The following UTY variants were observed in gnomAD, a reference collection of about 807,000 sequenced individuals.
UTY encodes ubiquitously transcribed tetratricopeptide repeat containing, Y-linked.
UTY carries 12 observed loss-of-function variants against 32.5 expected under a neutral mutation model. That is an observed-to-expected ratio of 0.37 (90% CI 0.24 to 0.60). The LOEUF (loss-of-function observed/expected upper bound fraction) is 0.60. Ranked by LOEUF, UTY falls within the 20% of genes least tolerant of loss-of-function variation. UTY has a pLI of 0.69. For synonymous variants in UTY, 131 were observed against 103.4 expected (o/e 1.27, Z -1.62); for missense variants, 303 against 299.2 (o/e 1.01, Z -0.09).
At chrY:13,472,509 A>G (rs1037113300) in intron 2 of UTY, among the ~76,000 whole-genome samples, 6 of 33,368 alleles carry the variant, frequency 1.8e-4, no homozygotes. Flanking sequence ...AGATTTCTCA[A>G]ACTACTAAAA....
chrY:13,270,890 G>A (rs2056255904), intron 27 of UTY, among the ~76,000 whole-genome samples: 1 of 32,682 alleles, frequency 3.1e-5, no homozygotes, highest in Admixed American at 2.8e-4. Context: ...GACTAACCTC[G>A]GCAACACAGA....
chrY:13,343,986 A>G (rs2061703517), intron 17 of UTY, among the ~76,000 whole-genome samples: 1 of 33,926 alleles, frequency 2.9e-5, no homozygotes, highest in Non-Finnish European at 7.3e-5. Context: ...AGTAGCAGTC[A>G]TCCATTGCAA....
chrY:13,294,076 G>A, intron 27 of UTY, among the ~76,000 whole-genome samples: 1 of 33,640 alleles, frequency 3.0e-5, no homozygotes, highest in Non-Finnish European at 7.4e-5. Context: ...GTGGATTGCT[G>A]TGGGTAGTAT....
chrY:13,405,640 AC>A (rs2069787937), intron 6 of UTY, among the ~76,000 whole-genome samples: 1 of 33,133 alleles, frequency 3.0e-5, no homozygotes, highest in African/African-American at 1.2e-4. Flanking sequence ...TGTGATCGCT[AC>A]CCAATGTACG....
intron 28 of UTY, among the ~76,000 whole-genome samples, chrY:13,241,503 A>C (rs2053901394): frequency 1.2e-4 from 4 of 33,412 alleles, no homozygotes; most frequent in Non-Finnish European, 3.0e-4. Flanking sequence ...AAAAGAAATA[A>C]AGGTGACAGC....
intron 3 of UTY, among the ~76,000 whole-genome samples, chrY:13,463,011 C>T (rs2077523687): frequency 3.3e-5 from 1 of 29,948 alleles, no homozygotes; most frequent in Non-Finnish European, 8.0e-5. Flanking sequence ...GCTATTCCTC[C>T]CCCCTCCCCC....
At chrY:13,282,268 T>C (rs2057054270) in intron 27 of UTY, among the ~76,000 whole-genome samples, 1 of 33,120 alleles carries the variant, frequency 3.0e-5, no homozygotes, top group African/African-American at 1.2e-4. Flanking sequence ...TAAAAACTGC[T>C]TCAAACAAGT....
intron 21 of UTY, among the ~76,000 whole-genome samples, chrY:13,308,169 T>C: frequency 3.4e-5 from 1 of 29,505 alleles, no homozygotes; most frequent in Non-Finnish European, 8.1e-5. Context: ...GGCAGGAGAA[T>C]TGATTGAACC....
At chrY:13,287,416 A>C in intron 27 of UTY, 1 of 298,476 alleles carries the variant, frequency 3.4e-6, no homozygotes, top group Non-Finnish European at 5.2e-6. Context: ...GATGCCACTT[A>C]CCTGTGTGTT....
chrY:13,380,061 GTATATATATATA>G (rs1204552573), intron 8 of UTY, among the ~76,000 whole-genome samples: 21 of 3,634 alleles, frequency 5.8e-3, no homozygotes, highest in African/African-American at 0.014. Flanking sequence ...GTGTGTGTGT[GTATATATATATA>G]TATATATATA....
At chrY:13,299,257 TA>T in intron 25 of UTY, 113 bp from the exon 26 acceptor site, 1 of 155,657 alleles carries the variant, frequency 6.4e-6, no homozygotes, top group Non-Finnish European at 1.1e-5. Flanking sequence ...TAACAAGAGT[TA>T]AAAAAAATGC....
At chrY:13,310,711 T>C (rs2058990745) in intron 21 of UTY, among the ~76,000 whole-genome samples, 1 of 33,575 alleles carries the variant, frequency 3.0e-5, no homozygotes, top group South Asian at 6.5e-4. Context: ...CTAAATACTG[T>C]TAACATGTCA....
chrY:13,389,872 A>G, intron 8 of UTY, among the ~76,000 whole-genome samples: 5 of 33,822 alleles, frequency 1.5e-4, no homozygotes, highest in Non-Finnish European at 3.0e-4. Flanking sequence ...TGCCATTGGA[A>G]TTGTGAGACA....
chrY:13,474,424 T>C (rs2078845041), intron 2 of UTY, among the ~76,000 whole-genome samples: 1 of 31,844 alleles, frequency 3.1e-5, no homozygotes, highest in African/African-American at 1.2e-4. Flanking sequence ...AAAAGAGAAA[T>C]AAAAAGGGTA....
At chrY:13,320,064 T>C in intron 21 of UTY, among the ~76,000 whole-genome samples, 2 of 33,197 alleles carry the variant, frequency 6.0e-5, no homozygotes, top group Admixed American at 5.6e-4. Context: ...AAAATATTAA[T>C]AGGTTTCCTA....
At chrY:13,309,370 C>A (rs2058881057) in intron 21 of UTY, among the ~76,000 whole-genome samples, 6 of 32,835 alleles carry the variant, frequency 1.8e-4, no homozygotes, top group Non-Finnish European at 3.0e-4. Context: ...GCGGACAGAT[C>A]ACGAGGTCAG....
chrY:13,358,692 T>C, intron 13 of UTY, 73 bp from the exon 14 acceptor site: 3 of 249,083 alleles, frequency 1.2e-5, no homozygotes, highest in Non-Finnish European at 1.8e-5. Context: ...TTATAAAACT[T>C]CATATACTTT....
chrY:13,451,895 TG>T (rs2076364456), intron 3 of UTY, among the ~76,000 whole-genome samples: 3 of 33,308 alleles, frequency 9.0e-5, no homozygotes, highest in Non-Finnish European at 2.2e-4. Context: ...AGCACCCCAG[TG>T]GAAGTCAGGA....
chrY:13,321,162 A>C (rs984281751), intron 21 of UTY, among the ~76,000 whole-genome samples: 1 of 33,633 alleles, frequency 3.0e-5, no homozygotes, highest in Non-Finnish European at 7.4e-5. Context: ...TTCTTGTGGC[A>C]CTTTATACAA....
Sources: allele counts gnomAD v4.1 joint callset (sites outside exome capture counted in the v4.1 genomes callset), GRCh38; gene constraint gnomAD v4.1.1; transcripts MANE v1.5; gene names NCBI Gene and HGNC (gene_info 2026-07-23, HGNC 2026-07-21).